THSD7B: variants seen among roughly 807,000 people sequenced by gnomAD.
THSD7B encodes the protein thrombospondin type 1 domain containing 7B.
Under a neutral mutation model 213.6 loss-of-function variants are expected in THSD7B, and 138 were observed. That is an observed-to-expected ratio of 0.65 (90% CI 0.56 to 0.74). The LOEUF (loss-of-function observed/expected upper bound fraction) is 0.74. Ranked by LOEUF, THSD7B falls within the 30% of genes least tolerant of loss-of-function variation. The probability of loss-of-function intolerance (pLI) is 0.00; values close to 1 mark genes in which losing one functional copy is unlikely to be tolerated. For synonymous variants in THSD7B, 742 were observed against 687.0 expected, an observed-to-expected ratio of 1.08 and a Z score of -1.25; for missense variants, 1,931 against 1,991.5, an observed-to-expected ratio of 0.97 and a Z score of 0.58.
intron 2 of THSD7B, among the ~76,000 whole-genome samples, chr2:136,954,397 G>C (rs1293503104): frequency 6.6e-6 from 1 of 152,126 alleles, no homozygotes; most frequent in East Asian, 1.9e-4. Context: ...TGGATGTATT[G>C]ACCAGTTAGT....
intron 2 of THSD7B, among the ~76,000 whole-genome samples, chr2:136,911,996 G>C (rs1311445250): frequency 6.6e-6 from 1 of 152,066 alleles, no homozygotes; most frequent in Non-Finnish European, 1.5e-5. Flanking sequence ...CTGTTGGATA[G>C]CGGAATGCAG....
chr2:137,613,656 T>A (rs1166974753), intron 17 of THSD7B, among the ~76,000 whole-genome samples: 1 of 152,298 alleles, frequency 6.6e-6, no homozygotes. Flanking sequence ...TATTCACACA[T>A]CATTTTCCCA....
rs557852819 is a variant in THSD7B, at chr2:137,554,790, C to G, written c.3139-8431C>G. On this transcript the variant is annotated intron_variant, in intron 15 of 27. Coordinates refer to ENST00000409968, the MANE Select transcript of THSD7B (RefSeq NM_001316349.2). ...GAAGCACAAGGGGTCAGGGAATTCC[C>G]TTTCATAGCCAAACAAATCTGTGAC... Among the ~76,000 whole-genome samples, 22 of 152,314 alleles carry G rather than the reference C, an allele frequency of 1.4e-4. 1 individual carries two copies. Among genetic ancestry groups the G allele is most frequent in the Non-Finnish European group, 2.5e-4 (17 of 68,026 alleles).
chr2:137,310,713 T>G (rs2104860401), intron 12 of THSD7B, among the ~76,000 whole-genome samples: 1 of 152,246 alleles, frequency 6.6e-6, no homozygotes, highest in South Asian at 2.1e-4. Context: ...AGTTTCAGCT[T>G]TCTACATATG....
intron 20 of THSD7B, among the ~76,000 whole-genome samples, chr2:137,631,724 T>C (rs757942705): frequency 2.0e-5 from 3 of 152,166 alleles, no homozygotes; most frequent in Non-Finnish European, 4.4e-5. Flanking sequence ...AGTAATTCGT[T>C]CTTATGGCAA....
At chr2:137,389,782 G>A (rs1181974292) in intron 12 of THSD7B, among the ~76,000 whole-genome samples, 1 of 151,934 alleles carries the variant, frequency 6.6e-6, no homozygotes, top group Non-Finnish European at 1.5e-5. Flanking sequence ...TTATTCATCT[G>A]TATGTGGATA....
intron 17 of THSD7B, 122 bp downstream of exon 17, chr2:137,572,678 T>G: frequency 1.6e-6 from 2 of 1,232,308 alleles, no homozygotes; most frequent in South Asian, 4.1e-5. Flanking sequence ...ATAATTTTTT[T>G]CTTTTTGAGA....
intron 1 of THSD7B, among the ~76,000 whole-genome samples, chr2:136,834,419 A>G (rs543832562): frequency 1.3e-5 from 2 of 152,326 alleles, no homozygotes; most frequent in South Asian, 2.1e-4. Flanking sequence ...TGTAGATACA[A>G]TGCCTTAAAA....
intron 5 of THSD7B, among the ~76,000 whole-genome samples, chr2:137,150,141 C>T (rs1679786985): frequency 6.6e-6 from 1 of 151,534 alleles, no homozygotes; most frequent in South Asian, 2.1e-4. Context: ...ACTCTGGAGG[C>T]TGAGGCAGGA....
At chr2:137,006,805 T>G (rs1332648396) in intron 2 of THSD7B, among the ~76,000 whole-genome samples, 3 of 152,214 alleles carry the variant, frequency 2.0e-5, no homozygotes, top group Non-Finnish European at 4.4e-5. Flanking sequence ...GGGGCACATT[T>G]TACATTTTCT....
chr2:137,425,574 G>A (rs1237946885), intron 14 of THSD7B, among the ~76,000 whole-genome samples: 1 of 152,112 alleles, frequency 6.6e-6, no homozygotes, highest in Non-Finnish European at 1.5e-5. Context: ...AAATGCTATT[G>A]CATTTATATC....
chr2:137,107,468 C>T lies in THSD7B; in HGVS notation c.1200-7656C>T, dbSNP rs529745404. Among the ~76,000 whole-genome samples the T allele has an allele frequency of 2.6e-4, 39 of 152,208 alleles. 1 individual carries two copies. The highest frequency in any genetic ancestry group is 3.4e-3 in the Middle Eastern group (1 of 294). ...GGTTGACAGGTGCAGCAAACCACCA[C>T]GGCACGTGTATCCCTATGTAACAAA... is the stretch of plus-strand genomic sequence containing the variant. On this transcript the variant is annotated intron_variant, in intron 4 of 27. Transcript: ENST00000409968.
intron 4 of THSD7B, 118 bp downstream of exon 4, chr2:137,095,239 AGT>A: frequency 1.5e-6 from 2 of 1,377,130 alleles, no homozygotes; most frequent in Non-Finnish European, 2.0e-6. Context: ...TCAGTATACA[AGT>A]TCCATACTTG....
intron 1 of THSD7B, among the ~76,000 whole-genome samples, chr2:136,768,004 G>A (rs967655578): frequency 1.3e-5 from 2 of 152,104 alleles, no homozygotes; most frequent in South Asian, 2.1e-4. Flanking sequence ...AATAATTACC[G>A]ATCATATAAA....
intron 7 of THSD7B, among the ~76,000 whole-genome samples, chr2:137,188,590 T>C (rs931899277): frequency 6.6e-6 from 1 of 152,192 alleles, no homozygotes; most frequent in Non-Finnish European, 1.5e-5. Context: ...GAAGACCTGC[T>C]TAATTGTGTT....
At chr2:137,064,955 T>G (rs190139935) in intron 3 of THSD7B, among the ~76,000 whole-genome samples, 6 of 151,860 alleles carry the variant, frequency 4.0e-5, no homozygotes, top group African/African-American at 1.2e-4. Context: ...CTCCAGTTTT[T>G]TTTTTGTTGT....
chr2:137,672,981 A>C (rs1683611040), intron 27 of THSD7B, among the ~76,000 whole-genome samples: 1 of 152,144 alleles, frequency 6.6e-6, no homozygotes. Context: ...ACCAGATAAT[A>C]ATGTCCATTC....
At chr2:136,804,501 CAG>C (rs1180158378) in intron 1 of THSD7B, among the ~76,000 whole-genome samples, 19 of 151,794 alleles carry the variant, frequency 1.3e-4, no homozygotes, top group African/African-American at 3.9e-4. Context: ...CTGGAGAAAA[CAG>C]AGTGATTTCT....
chr2:137,383,716 G>T (rs1477013554), intron 12 of THSD7B, among the ~76,000 whole-genome samples: 2 of 152,108 alleles, frequency 1.3e-5, no homozygotes, highest in Non-Finnish European at 2.9e-5. Flanking sequence ...GCGTCCATGG[G>T]TCATACCCAA....
Sources: allele counts gnomAD v4.1 joint callset (sites outside exome capture counted in the v4.1 genomes callset), GRCh38; gene constraint gnomAD v4.1.1; transcripts MANE v1.5; gene names NCBI Gene and HGNC (gene_info 2026-07-23, HGNC 2026-07-21).